MADD: variants seen among roughly 807,000 people sequenced by gnomAD.
MADD encodes the protein MAP kinase-activating death domain protein.
A neutral mutation model predicts 176.7 loss-of-function variants in MADD; 109 were observed. The ratio of observed to expected loss-of-function variants is 0.62; its 90% CI spans 0.53 to 0.72. The LOEUF is 0.72. MADD is among the 30% of genes least tolerant of loss of function. The probability of loss-of-function intolerance (pLI) is 0.00; values close to 1 mark genes in which losing one functional copy is unlikely to be tolerated. For synonymous variants in MADD, 771 were observed against 771.3 expected, an observed-to-expected ratio of 1.00 and a Z score of 0.01; for missense variants, 1,914 against 2,045.5, an observed-to-expected ratio of 0.94 and a Z score of 1.24.
intron 22 of MADD, among the ~76,000 whole-genome samples, chr11:47,301,289 T>G (rs904475540): frequency 7.2e-5 from 11 of 152,080 alleles, no homozygotes; most frequent in African/African-American, 2.7e-4. Context: ...AATTTTTTTT[T>G]GTATTTTTAG....
In MADD at chr11:47,308,710, C is replaced by T. The variant is rs770769938; in HGVS notation, c.3751+11C>T. 19 of 1,605,454 alleles carry T rather than the reference C, an allele frequency of 1.2e-5. No homozygotes were observed. The African/African-American group carries it at 2.3e-4, about 19-fold the overall frequency. ...ATGAGGGACTCCTAGGTGAGAAACA[C>T]ACTGGGAAGGCCCTTTGCACTGGAG... On this transcript the variant is annotated intron_variant, in intron 23 of 32. Coordinates refer to ENST00000402192, the Ensembl canonical transcript of MADD.
chr11:47,323,940 C>A, intron 28 of MADD, 105 bp downstream of exon 31: 2 of 1,257,046 alleles, frequency 1.6e-6, no homozygotes, highest in Non-Finnish European at 2.2e-6. Context: ...TGGAGCCACA[C>A]TTCTGTCTCC....
intron 24 of MADD, 39 bp from the exon 28 acceptor site, chr11:47,309,468 C>G: frequency 6.2e-7 from 1 of 1,614,026 alleles, no homozygotes; most frequent in Non-Finnish European, 8.5e-7. Context: ...TCTGTGGTCT[C>G]CCACTTGAGG....
chr11:47,324,600 G>T, intron 30 of MADD, 23 bp downstream of exon 33: 1 of 1,535,972 alleles, frequency 6.5e-7, no homozygotes. Context: ...GGCAGCACGA[G>T]GCTCCCTGTC....
intron 15 of MADD, among the ~76,000 whole-genome samples, chr11:47,287,006 T>A (rs945027751): frequency 1.3e-5 from 2 of 152,168 alleles, no homozygotes; most frequent in Non-Finnish European, 2.9e-5. Flanking sequence ...CCAGGTAGTA[T>A]TGGTTAGTTT....
At chr11:47,272,873 A>C (rs558476803) in intron 1 of MADD, among the ~76,000 whole-genome samples, 2 of 152,274 alleles carry the variant, frequency 1.3e-5, no homozygotes, top group South Asian at 4.1e-4. Flanking sequence ...CTGAGATCAA[A>C]ATAGAGGAGA....
intron 25 of MADD, among the ~76,000 whole-genome samples, chr11:47,310,322 C>T (rs1001968949): frequency 5.9e-5 from 9 of 151,768 alleles, no homozygotes; most frequent in Non-Finnish European, 1.2e-4. Flanking sequence ...GCTGGGATTA[C>T]AGGCATCTAC....
At chr11:47,273,061 C>CGG in intron 1 of MADD, among the ~76,000 whole-genome samples, 1 of 152,286 alleles carries the variant, frequency 6.6e-6, no homozygotes, top group East Asian at 1.9e-4. Flanking sequence ...ACTAGACAGT[C>CGG]TATGTGGTAG....
chr11:47,311,220 T>C (rs888387483), intron 25 of MADD, among the ~76,000 whole-genome samples: 2 of 152,154 alleles, frequency 1.3e-5, no homozygotes, highest in Non-Finnish European at 2.9e-5. Flanking sequence ...GTTGATCAAA[T>C]GCAGAGAATG....
exon 26 of MADD, chr11:47,311,812 C>G: frequency 6.2e-7 from 1 of 1,613,812 alleles, no homozygotes; most frequent in African/African-American, 1.3e-5. Context: ...GCCAGCAAAT[C>G]AATGAGGTGC....
Position 47,275,289 on chromosome 11 carries a change from T to C in MADD, c.659+130T>C, listed in dbSNP as rs138474369. The C allele has an allele frequency of 1.9e-5, 16 of 826,702 alleles. 2 individuals are homozygous for C. In the African/African-American group the frequency reaches 2.7e-4, roughly 14 times the overall value. 51.2% of individuals were successfully genotyped at this position (826,702 alleles called of 1,614,324 possible). On this transcript the variant is annotated intron_variant, in intron 3 of 32. Coordinates refer to ENST00000402192, the Ensembl canonical transcript of MADD. ...ACCTATTAAGCATATTTAGAGTATT[T>C]AGAGTTAATCTTTTTTCTTTTGGAG...
chr11:47,285,706 G>T, intron 14 of MADD, 116 bp downstream of exon 14: 2 of 1,423,540 alleles, frequency 1.4e-6, no homozygotes, highest in Non-Finnish European at 1.9e-6. Context: ...GCATTAGCAA[G>T]CCCTAATCCA....
chr11:47,308,649 G>C, exon 23 of MADD: 1 of 1,613,990 alleles, frequency 6.2e-7, no homozygotes, highest in South Asian at 1.1e-5. Flanking sequence ...AGCCCCATTC[G>C]TACTTCTGAA....
chr11:47,308,071 T>A (rs542038541), intron 22 of MADD, among the ~76,000 whole-genome samples: 4 of 152,358 alleles, frequency 2.6e-5, no homozygotes, highest in Admixed American at 2.6e-4. Context: ...AAATGAACAT[T>A]TCTCAGTTAC....
At chr11:47,286,164 T>G (rs1300864713) in intron 14 of MADD, among the ~76,000 whole-genome samples, 1 of 152,214 alleles carries the variant, frequency 6.6e-6, no homozygotes, top group Admixed American at 6.5e-5. Flanking sequence ...CCAGCTTTCA[T>G]GCTGTGTAGC....
In MADD at chr11:47,296,118, A is replaced by G. The variant is rs2071464114; in HGVS notation, c.3642+63A>G. 3 of 1,562,486 alleles carry G rather than the reference A, an allele frequency of 1.9e-6. No individual in the cohort carries two copies. In the African/African-American group the frequency reaches 4.1e-5, roughly 21 times the overall value. On this transcript the variant is annotated intron_variant, in intron 22 of 32. Transcript: ENST00000402192. ...TAATGGGGGAGGGAAGCAGGCAAGAAAAGAATGAAAGTTAAGAGACGCTAA... is the reference window on the plus strand; with the variant it reads ...TAATGGGGGAGGGAAGCAGGCAAGAGAAGAATGAAAGTTAAGAGACGCTAA...
intron 1 of MADD, chr11:47,270,861 TGA>T (rs1275638022): frequency 2.0e-5 from 3 of 152,340 alleles, no homozygotes; most frequent in Non-Finnish European, 4.4e-5. Flanking sequence ...CAGTCTGTGC[TGA>T]TGAGCTTGCA....
chr11:47,303,607 C>CTT (rs137937344), intron 22 of MADD, among the ~76,000 whole-genome samples: 25 of 105,536 alleles, frequency 2.4e-4, no homozygotes, highest in Non-Finnish European at 3.4e-4. Context: ...TTGGAGAGGC[C>CTT]TTTTTTTTTT....
In MADD at chr11:47,288,652, C is replaced by T. The variant is rs570291942; in HGVS notation, c.2654-739C>T. Among the ~76,000 whole-genome samples, 3 of 152,370 alleles carry T rather than the reference C, an allele frequency of 2.0e-5. No individual in the cohort carries two copies. In the South Asian group the frequency reaches 6.2e-4, roughly 32 times the overall value. On this transcript the variant is annotated intron_variant, in intron 15 of 32. Coordinates refer to ENST00000402192, the Ensembl canonical transcript of MADD. ...CTTCCCTGCACATACCCTCAGGCCC[C>T]TGGCCCTCTGTGCTGGATGTTTTCT... is the stretch of plus-strand genomic sequence containing the variant.
Sources: gnomAD v4.1 joint callset for allele counts (sites outside exome capture counted in the v4.1 genomes callset) on GRCh38, gnomAD v4.1.1 for gene constraint, MANE v1.5 for transcripts, NCBI Gene and HGNC (gene_info 2026-07-23, HGNC 2026-07-21) for gene names.